Variants in WDR20 observed in about 807,000 individuals in gnomAD.
The protein encoded by WDR20 is WD repeat-containing protein 20.
WDR20 carries 3 observed loss-of-function variants against 38.7 expected under a neutral mutation model. The observed-to-expected ratio is 0.08, with a 90% confidence interval of 0.04 to 0.20. WDR20 has a LOEUF of 0.20. Among genes scored for constraint, WDR20 ranks in the 10% least tolerant of loss-of-function variants. The pLI, the probability that WDR20 is intolerant of heterozygous loss-of-function variation, is 1.00. For missense variants in WDR20, 559 were observed against 727.7 expected, an observed-to-expected ratio of 0.77 and a Z score of 2.67; for synonymous variants, 298 against 285.6, an observed-to-expected ratio of 1.04 and a Z score of -0.44.
intron 1 of WDR20, among the ~76,000 whole-genome samples, chr14:102,192,181 ATT>A (rs761284711): frequency 6.3e-5 from 9 of 143,162 alleles, no homozygotes; most frequent in Admixed American, 1.4e-4. Flanking sequence ...ATTTACCTGA[ATT>A]TTTTTTTTTT....
intron 1 of WDR20, among the ~76,000 whole-genome samples, chr14:102,171,210 A>G (rs1027973695): frequency 1.3e-5 from 2 of 150,134 alleles, no homozygotes; most frequent in African/African-American, 4.9e-5. Flanking sequence ...TTGGCCTCCC[A>G]AAGTGCTGGA....
intron 2 of WDR20, chr14:102,197,608 C>T (rs2059626844): frequency 6.8e-6 from 4 of 591,274 alleles, no homozygotes; most frequent in South Asian, 2.0e-5. Flanking sequence ...TGTCAGAGTT[C>T]GAAGCTGGAA....
At chr14:102,143,444 A>T (rs1427619900) in intron 1 of WDR20, among the ~76,000 whole-genome samples, 1 of 151,920 alleles carries the variant, frequency 6.6e-6, no homozygotes, top group African/African-American at 2.4e-5. Context: ...TTGAGTGACT[A>T]CTGTGATAGT....
chr14:102,217,978 C>T (rs752648552), downstream of WDR20, among the ~76,000 whole-genome samples: 1 of 152,244 alleles, frequency 6.6e-6, no homozygotes, highest in Non-Finnish European at 1.5e-5. Flanking sequence ...AGGGCCAAGG[C>T]TGGCCTTCTC....
intron 1 of WDR20, 59 bp from the exon 2 acceptor site, chr14:102,194,879 C>A: frequency 6.6e-7 from 1 of 1,525,358 alleles, no homozygotes; most frequent in Non-Finnish European, 9.0e-7. Context: ...AGTAGCATAA[C>A]TTAGATTTCT....
In WDR20 at chr14:102,180,905, C is replaced by T. The variant is rs185321003; in HGVS notation, c.250-14033C>T. ...TTGCATACAGAATTTTGCATACATC[C>T]TTGCTGACTAGAGTTTTTTTGGTGA... On this transcript the variant is annotated intron_variant, in intron 1 of 2. Coordinates refer to ENST00000342702, the MANE Select transcript of WDR20 (RefSeq NM_144574.4). Among the ~76,000 whole-genome samples the T allele has an allele frequency of 2.8e-4, 42 of 152,296 alleles. 1 individual carries two copies. The highest frequency in any genetic ancestry group is 1.0e-3 in the African/African-American group (42 of 41,564).
intron 2 of WDR20, chr14:102,198,010 A>G (rs1385186568): frequency 8.3e-6 from 4 of 483,402 alleles, no homozygotes; most frequent in Non-Finnish European, 1.5e-5. Context: ...ACCACCCCCG[A>G]AACACTGGTG....
intron 1 of WDR20, among the ~76,000 whole-genome samples, chr14:102,187,410 G>A (rs1454982199): frequency 4.7e-5 from 5 of 106,750 alleles, no homozygotes; most frequent in Admixed American, 2.5e-4. Context: ...CACATAGGCT[G>A]GGGGGGGGCT....
downstream of WDR20, chr14:102,213,385 CT>C: frequency 1.0e-6 from 1 of 985,452 alleles, no homozygotes; most frequent in Non-Finnish European, 1.2e-6. Flanking sequence ...GGTAAAGGAT[CT>C]CATTTCTCTT....
At chr14:102,168,657 A>G (rs935600816) in intron 1 of WDR20, among the ~76,000 whole-genome samples, 25 of 152,204 alleles carry the variant, frequency 1.6e-4, no homozygotes, top group Non-Finnish European at 3.1e-4. Flanking sequence ...GTGACTTTTA[A>G]AAAATGAGCC....
In WDR20 at chr14:102,184,847, C is replaced by T. The variant is rs1010853601; in HGVS notation, c.250-10091C>T. Among the ~76,000 whole-genome samples, 22 of 152,272 alleles carry T rather than the reference C, an allele frequency of 1.4e-4. 1 individual carries two copies. The highest frequency in any genetic ancestry group is 4.1e-4 in the African/African-American group (17 of 41,548). On this transcript the variant is annotated intron_variant, in intron 1 of 2. Coordinates refer to ENST00000342702, the MANE Select transcript of WDR20 (RefSeq NM_144574.4). Reference sequence around the variant, plus strand: ...CTCTCAAAGCCTTGCTGCGGCTAAACGCAGCCCCTTGAACGTGGTTGGCCG... The same window carrying T: ...CTCTCAAAGCCTTGCTGCGGCTAAATGCAGCCCCTTGAACGTGGTTGGCCG...
At position 102,208,923 on chromosome 14, in the gene WDR20, A is replaced by T; in HGVS notation, c.753A>T (p.Ser251=). ...DGFLRVFNFD[S]VELHGTMKSY... ...TTCTGCGGGTGTTCAACTTTGACTC[A>T]GTGGAGCTGCACGGTACGATGAAAA... is the stretch of plus-strand genomic sequence containing the variant. Residue 251 remains serine (S), a synonymous_variant, in exon 3 of 3, where the codon TCA becomes TCT. Coordinates refer to ENST00000342702, the MANE Select transcript of WDR20 (RefSeq NM_144574.4). This position sits in a 1 kb window ranked among gnomAD's most constrained non-coding sequence, Gnocchi z 5.6. The T allele has an allele frequency of 6.2e-7, 1 of 1,614,224 alleles. No individual in the cohort carries two copies. The highest frequency in any genetic ancestry group is 8.5e-7 in the Non-Finnish European group (1 of 1,180,036).
At chr14:102,223,023 C>T (rs1046110944) in exon 4 of WDR20, 21 of 984,536 alleles carry the variant, frequency 2.1e-5, no homozygotes, top group Admixed American at 1.3e-4. Flanking sequence ...GGACGGTGAC[C>T]GGCTCACTCT....
chr14:102,145,776 A>C (rs564532063), intron 1 of WDR20, among the ~76,000 whole-genome samples: 35 of 131,320 alleles, frequency 2.7e-4, no homozygotes, highest in Middle Eastern at 8.0e-3. Context: ...GTTTCAAAAA[A>C]ACAAAACAAT....
At chr14:102,165,385 G>A (rs1271815206) in intron 1 of WDR20, among the ~76,000 whole-genome samples, 1 of 152,036 alleles carries the variant, frequency 6.6e-6, no homozygotes, top group Non-Finnish European at 1.5e-5. Flanking sequence ...GCTAGTATCT[G>A]CTTTCTGTTT....
chr14:102,150,228 C>T (rs1233558356), intron 1 of WDR20, among the ~76,000 whole-genome samples: 1 of 152,062 alleles, frequency 6.6e-6, no homozygotes, highest in Non-Finnish European at 1.5e-5. Context: ...GTAATCCTAG[C>T]ACGTTGGGAG....
intron 1 of WDR20, among the ~76,000 whole-genome samples, chr14:102,191,963 C>CGAA (rs1555395634): frequency 6.6e-6 from 1 of 152,136 alleles, no homozygotes; most frequent in Non-Finnish European, 1.5e-5. Context: ...AATATAAACT[C>CGAA]TAACTTTTTA....
intron 1 of WDR20, among the ~76,000 whole-genome samples, chr14:102,177,744 A>G (rs532416771): frequency 3.3e-4 from 50 of 152,296 alleles, no homozygotes; most frequent in African/African-American, 1.1e-3. Flanking sequence ...GCAGTTATCT[A>G]TTCATGCCTC....
chr14:102,149,052 A>G (rs1186613588), intron 1 of WDR20, among the ~76,000 whole-genome samples: 2 of 151,958 alleles, frequency 1.3e-5, no homozygotes, highest in Admixed American at 1.3e-4. Context: ...AGTCGCAGCT[A>G]CTCGGAAGGC....
Sources: allele counts gnomAD v4.1 joint callset (sites outside exome capture counted in the v4.1 genomes callset), GRCh38; gene constraint gnomAD v4.1.1; non-coding constraint Gnocchi (gnomAD v3.1); transcripts MANE v1.5; gene names NCBI Gene and HGNC (gene_info 2026-07-23, HGNC 2026-07-21).